FRMD5: variants seen among roughly 807,000 people sequenced by gnomAD.
The protein encoded by FRMD5 is FERM domain containing 5.
A neutral mutation model predicts 69.0 loss-of-function variants in FRMD5; 20 were observed. The ratio of observed to expected loss-of-function variants is 0.29; its 90% confidence interval spans 0.20 to 0.42. The LOEUF is 0.42. Ranked by LOEUF, FRMD5 falls within the 10% of genes least tolerant of loss-of-function variation. The pLI, the probability that FRMD5 is intolerant of heterozygous loss-of-function variation, is 1.00. For synonymous variants in FRMD5, 271 were observed against 260.1 expected (o/e 1.04, Z -0.40); for missense variants, 595 against 708.6 (o/e 0.84, Z 1.82).
At chr15:44,175,751 C>T (rs2077883513) in intron 1 of FRMD5, among the ~76,000 whole-genome samples, 2 of 152,028 alleles carry the variant, frequency 1.3e-5, no homozygotes, top group Admixed American at 1.3e-4. Context: ...AATTGTGATA[C>T]ATCCATAAAA....
At chr15:44,127,783 G>A (rs2077043527) in intron 1 of FRMD5, among the ~76,000 whole-genome samples, 1 of 151,966 alleles carries the variant, frequency 6.6e-6, no homozygotes, top group South Asian at 2.1e-4. Context: ...GAGGTGGGAG[G>A]GCCGCTTGAG....
intron 2 of FRMD5, among the ~76,000 whole-genome samples, chr15:43,920,079 A>T (rs1409379813): frequency 6.6e-6 from 1 of 152,196 alleles, no homozygotes; most frequent in Non-Finnish European, 1.5e-5. Context: ...GGGTGCCAAA[A>T]TTCTGAGCCA....
intron 1 of FRMD5, among the ~76,000 whole-genome samples, chr15:44,075,775 G>A (rs990557697): frequency 2.6e-5 from 4 of 152,254 alleles, no homozygotes; most frequent in African/African-American, 9.6e-5. Flanking sequence ...CCCCTGATAT[G>A]AGAGCAGGAG....
At chr15:44,006,548 T>C (rs539067057) in intron 1 of FRMD5, among the ~76,000 whole-genome samples, 1 of 152,208 alleles carries the variant, frequency 6.6e-6, no homozygotes, top group African/African-American at 2.4e-5. Flanking sequence ...GCAAAGTAAA[T>C]TGAAGAACTG....
At chr15:43,944,975 AG>A (rs1287636951) in intron 1 of FRMD5, among the ~76,000 whole-genome samples, 5 of 141,098 alleles carry the variant, frequency 3.5e-5, no homozygotes, top group Admixed American at 7.2e-5. Flanking sequence ...TTTTTGATAG[AG>A]GGGGGGTTTC....
chr15:43,969,675 T>G (rs1262365969), intron 1 of FRMD5, among the ~76,000 whole-genome samples: 1 of 152,170 alleles, frequency 6.6e-6, no homozygotes, highest in Non-Finnish European at 1.5e-5. Context: ...TTTAAACATC[T>G]TAGCCAATAA....
chr15:44,151,396 C>CA (rs75229422), intron 1 of FRMD5, among the ~76,000 whole-genome samples: 238 of 57,986 alleles, frequency 4.1e-3, no homozygotes, highest in East Asian at 7.9e-3. Flanking sequence ...GACTCCATCT[C>CA]AAAAAAAAAA....
chr15:44,141,903 G>A (rs556780051), intron 1 of FRMD5, among the ~76,000 whole-genome samples: 1 of 152,168 alleles, frequency 6.6e-6, no homozygotes, highest in South Asian at 2.1e-4. Flanking sequence ...CTCACATCCT[G>A]GGCTCATTTG....
intron 1 of FRMD5, among the ~76,000 whole-genome samples, chr15:44,031,199 C>T (rs1891666296): frequency 6.6e-6 from 1 of 151,990 alleles, no homozygotes; most frequent in South Asian, 2.1e-4. Flanking sequence ...AGGTTGAAGT[C>T]CTTGAAAAGT....
At chr15:43,978,143 G>C (rs2090493450) in intron 1 of FRMD5, among the ~76,000 whole-genome samples, 1 of 152,180 alleles carries the variant, frequency 6.6e-6, no homozygotes, top group Non-Finnish European at 1.5e-5. Context: ...TTTGGCCGTT[G>C]AGTTGCCTTC....
chr15:44,045,416 C>T (rs1892383808), intron 1 of FRMD5, among the ~76,000 whole-genome samples: 1 of 152,096 alleles, frequency 6.6e-6, no homozygotes, highest in Non-Finnish European at 1.5e-5. Context: ...ATTCACTTCC[C>T]CTCTCTGGAG....
At chr15:44,119,057 G>T (rs919518636) in intron 1 of FRMD5, among the ~76,000 whole-genome samples, 8 of 152,058 alleles carry the variant, frequency 5.3e-5, no homozygotes, top group African/African-American at 1.9e-4. Context: ...CGACCTCGTG[G>T]GCTCAAGCAA....
intron 1 of FRMD5, among the ~76,000 whole-genome samples, chr15:43,952,389 C>T (rs964219325): frequency 2.6e-5 from 4 of 152,090 alleles, no homozygotes; most frequent in Admixed American, 6.6e-5. Context: ...AATGAGATTC[C>T]GCCCAGTGTC....
At chr15:43,907,679 T>G (rs562250571) in intron 5 of FRMD5, among the ~76,000 whole-genome samples, 67 of 152,326 alleles carry the variant, frequency 4.4e-4, no homozygotes, top group African/African-American at 1.6e-3. Flanking sequence ...AGCTAATTTT[T>G]GTATTTTTAG....
rs565220857 is a variant in FRMD5 at position 44,079,243 on chromosome 15, A to G, written c.102+115710T>C. Among the ~76,000 whole-genome samples, 3 of 152,178 alleles carry G rather than the reference A, an allele frequency of 2.0e-5. No homozygotes were observed. In the East Asian group the frequency reaches 5.8e-4, roughly 29 times the overall value. The stretch of plus-strand genomic sequence containing the variant: ...CCACTTCACACCTATTTGGATGACT[A>G]TTATCAAAAAAAAACCCAAAACAAG... On this transcript the variant is annotated intron_variant, in intron 1 of 13. Coordinates refer to ENST00000417257, the MANE Select transcript of FRMD5 (RefSeq NM_032892.5).
chr15:44,103,690 C>T (rs2076673609), intron 1 of FRMD5, among the ~76,000 whole-genome samples: 1 of 152,210 alleles, frequency 6.6e-6, no homozygotes, highest in Non-Finnish European at 1.5e-5. Context: ...AATCATTCCC[C>T]ATTTCCCAAC....
At chr15:43,985,930 G>A (rs1182234307) in intron 1 of FRMD5, among the ~76,000 whole-genome samples, 1 of 152,226 alleles carries the variant, frequency 6.6e-6, no homozygotes, top group African/African-American at 2.4e-5. Flanking sequence ...GTAGATAACT[G>A]ACCAGGAATC....
At chr15:44,123,328 G>C (rs576138540) in intron 1 of FRMD5, among the ~76,000 whole-genome samples, 5 of 129,466 alleles carry the variant, frequency 3.9e-5, no homozygotes, top group South Asian at 3.0e-4. Flanking sequence ...CAGGTGACAA[G>C]AGTGAAACTC....
chr15:44,151,629 G>A (rs938792059), intron 1 of FRMD5, among the ~76,000 whole-genome samples: 2 of 152,046 alleles, frequency 1.3e-5, no homozygotes, highest in Admixed American at 6.5e-5. Context: ...AAAAGACCTA[G>A]ATGTAAAACC....
Sources: allele counts gnomAD v4.1 joint callset (sites outside exome capture counted in the v4.1 genomes callset), GRCh38; gene constraint gnomAD v4.1.1; transcripts MANE v1.5; gene names NCBI Gene and HGNC (gene_info 2026-07-23, HGNC 2026-07-21).